The following GALNTL6 variants were observed in gnomAD, a reference collection of about 807,000 sequenced individuals.
The protein encoded by GALNTL6 is polypeptide N-acetylgalactosaminyltransferase like 6.
Under a neutral mutation model 73.7 loss-of-function variants are expected in GALNTL6, and 46 were observed. The observed-to-expected ratio is 0.62, with a 90% confidence interval of 0.49 to 0.80. The LOEUF (loss-of-function observed/expected upper bound fraction) is 0.80. Among genes scored for constraint, GALNTL6 ranks in the 30% least tolerant of loss-of-function variants. The pLI is 0.00. For missense variants in GALNTL6, 604 were observed against 755.0 expected (o/e 0.80, Z 2.34); for synonymous variants, 259 against 263.7 (o/e 0.98, Z 0.17).
intron 2 of GALNTL6, among the ~76,000 whole-genome samples, chr4:172,095,033 T>A (rs1732312335): frequency 6.6e-6 from 1 of 151,008 alleles, no homozygotes; most frequent in African/African-American, 2.4e-5. Context: ...ACATGGGAAG[T>A]ACAATTTTCA....
chr4:172,320,519 C>T (rs951453003), intron 4 of GALNTL6, among the ~76,000 whole-genome samples: 5 of 152,058 alleles, frequency 3.3e-5, no homozygotes, highest in Non-Finnish European at 7.4e-5. Flanking sequence ...AGTAATTGTA[C>T]GGTGGTGGTT....
chr4:172,315,386 C>G (rs1456130236), intron 4 of GALNTL6, among the ~76,000 whole-genome samples: 2 of 152,150 alleles, frequency 1.3e-5, no homozygotes, highest in African/African-American at 2.4e-5. Flanking sequence ...GCCTCAGCCT[C>G]CCAAGTAGCT....
chr4:172,037,669 G>A (rs1013682288), intron 2 of GALNTL6, among the ~76,000 whole-genome samples: 9 of 152,010 alleles, frequency 5.9e-5, no homozygotes, highest in South Asian at 2.1e-4. Context: ...TCAAACCTTT[G>A]TATCATTTAG....
At chr4:171,900,737 C>T (rs2110942206) in intron 2 of GALNTL6, among the ~76,000 whole-genome samples, 1 of 151,830 alleles carries the variant, frequency 6.6e-6, no homozygotes, top group South Asian at 2.1e-4. Flanking sequence ...GTAAATGAAA[C>T]AAGAAAACAA....
rs1748120198 is a variant in GALNTL6, at chr4:172,927,553, T to C, written c.1042-3608T>C. Among the ~76,000 whole-genome samples, 12 of 152,166 alleles carry C rather than the reference T, an allele frequency of 7.9e-5. No individual in the cohort carries two copies. The South Asian group carries it at 2.3e-3, about 29-fold the overall frequency. On this transcript the variant is annotated intron_variant, in intron 8 of 12. Coordinates refer to ENST00000506823, the MANE Select transcript of GALNTL6 (RefSeq NM_001034845.3). ...AATTCAAAAAAAGGCACAGAGGAGA[T>C]AGTTTGTTTCTGCTCTGTGATATAT...
intron 3 of GALNTL6, among the ~76,000 whole-genome samples, chr4:172,282,768 G>A (rs1342217353): frequency 6.6e-6 from 1 of 152,048 alleles, no homozygotes; most frequent in African/African-American, 2.4e-5. Flanking sequence ...GAAGCAAGTG[G>A]ATTCAAAATG....
chr4:172,788,529 G>A (rs1739797477), intron 5 of GALNTL6, among the ~76,000 whole-genome samples: 1 of 151,874 alleles, frequency 6.6e-6, no homozygotes, highest in South Asian at 2.1e-4. Flanking sequence ...AAAATTAGCC[G>A]GGCGTGTTGG....
At chr4:172,012,396 G>A (rs948740567) in intron 2 of GALNTL6, among the ~76,000 whole-genome samples, 3 of 151,840 alleles carry the variant, frequency 2.0e-5, no homozygotes, top group Admixed American at 6.6e-5. Flanking sequence ...TTTTCCTAGG[G>A]TGAAACCCCC....
At chr4:172,769,979 T>C (rs946825501) in intron 5 of GALNTL6, among the ~76,000 whole-genome samples, 24 of 152,248 alleles carry the variant, frequency 1.6e-4, no homozygotes, top group Admixed American at 1.2e-3. Flanking sequence ...AATGAGCTTT[T>C]ATAGCTGGGC....
At chr4:172,450,965 G>C (rs762233520) in intron 5 of GALNTL6, among the ~76,000 whole-genome samples, 1 of 152,068 alleles carries the variant, frequency 6.6e-6, no homozygotes, top group Non-Finnish European at 1.5e-5. Context: ...TGTACTTACT[G>C]TCTGTCTTTG....
chr4:171,898,664 A>G (rs542187006), intron 2 of GALNTL6, among the ~76,000 whole-genome samples: 2 of 152,230 alleles, frequency 1.3e-5, no homozygotes, highest in East Asian at 1.9e-4. Flanking sequence ...AGGTACAGAA[A>G]CAAACCTATC....
chr4:171,967,461 T>TTTTTTTTTTC (rs1560863242), intron 2 of GALNTL6, among the ~76,000 whole-genome samples: 3 of 55,452 alleles, frequency 5.4e-5, no homozygotes, highest in South Asian at 4.7e-4. Context: ...TTTTTTTTTT[T>TTTTTTTTTTC]TTTTGTAGAT....
At chr4:172,275,173 A>G (rs1738784670) in intron 3 of GALNTL6, among the ~76,000 whole-genome samples, 1 of 152,178 alleles carries the variant, frequency 6.6e-6, no homozygotes, top group Admixed American at 6.6e-5. Flanking sequence ...TGACCTATAA[A>G]CCTAAGGACA....
intron 11 of GALNTL6, among the ~76,000 whole-genome samples, chr4:173,014,859 A>C (rs1469228668): frequency 2.6e-5 from 4 of 152,188 alleles, no homozygotes; most frequent in Non-Finnish European, 5.9e-5. Flanking sequence ...AAGCAAAGAA[A>C]TAAGAGTTAA....
At chr4:172,828,893 G>A (rs865905425) in intron 7 of GALNTL6, among the ~76,000 whole-genome samples, 1 of 152,284 alleles carries the variant, frequency 6.6e-6, no homozygotes, top group Middle Eastern at 3.4e-3. Context: ...CAAACTGAGA[G>A]GCTTGAAGTA....
intron 2 of GALNTL6, chr4:172,052,482 G>C: frequency 6.5e-7 from 1 of 1,535,212 alleles, no homozygotes. Flanking sequence ...GGCCACCAGA[G>C]GAATCCAAGC....
At chr4:172,522,094 A>T (rs1188836991) in intron 5 of GALNTL6, among the ~76,000 whole-genome samples, 1 of 152,192 alleles carries the variant, frequency 6.6e-6, no homozygotes, top group Non-Finnish European at 1.5e-5. Flanking sequence ...TTAAAATAAA[A>T]CAGGCTTTTA....
intron 5 of GALNTL6, among the ~76,000 whole-genome samples, chr4:172,454,815 C>T (rs962460164): frequency 1.3e-5 from 2 of 152,032 alleles, no homozygotes; most frequent in Non-Finnish European, 2.9e-5. Context: ...TGTAGCTCTC[C>T]AGCCCCATTG....
intron 5 of GALNTL6, among the ~76,000 whole-genome samples, chr4:172,480,513 G>C (rs191078170): frequency 1.3e-4 from 20 of 152,236 alleles, no homozygotes; most frequent in African/African-American, 4.8e-4. Flanking sequence ...CGATGTAAAA[G>C]ACAAAATACT....
Sources: allele counts gnomAD v4.1 joint callset (sites outside exome capture counted in the v4.1 genomes callset), GRCh38; gene constraint gnomAD v4.1.1; transcripts MANE v1.5; gene names NCBI Gene and HGNC (gene_info 2026-07-23, HGNC 2026-07-21).